The following WWOX variants were observed in gnomAD, a reference collection of about 807,000 sequenced individuals.
WWOX encodes WW domain-containing oxidoreductase.
A neutral mutation model predicts 46.2 loss-of-function variants in WWOX; 69 were observed. The observed-to-expected ratio is 1.49, with a 90% confidence interval of 1.23 to 1.82. The LOEUF (loss-of-function observed/expected upper bound fraction) is 1.82, where lower values mean the gene tolerates loss of function less well. WWOX is among the 40% of genes most tolerant of loss of function. WWOX has a pLI of 0.00. For synonymous variants in WWOX, 359 were observed against 202.6 expected (o/e 1.77, Z -6.56); for missense variants, 919 against 542.6 (o/e 1.69, Z -6.89).
At chr16:78,647,575 C>T (rs140741444) in intron 8 of WWOX, among the ~76,000 whole-genome samples, 95 of 152,300 alleles carry the variant, frequency 6.2e-4, no homozygotes, top group African/African-American at 2.2e-3. Context: ...GCCACTGTCC[C>T]GTAAGGGTGG....
chr16:79,023,668 C>A (rs905281671), intron 8 of WWOX, among the ~76,000 whole-genome samples: 4 of 152,044 alleles, frequency 2.6e-5, no homozygotes, highest in African/African-American at 9.7e-5. Flanking sequence ...ACCTGTAATC[C>A]CAGCACTTTG....
At chr16:78,777,765 G>A (rs559846122) in intron 8 of WWOX, among the ~76,000 whole-genome samples, 6 of 152,086 alleles carry the variant, frequency 3.9e-5, no homozygotes, top group Admixed American at 1.3e-4. Flanking sequence ...CTCACATTTC[G>A]ACTGGGCCTG....
intron 8 of WWOX, among the ~76,000 whole-genome samples, chr16:78,852,148 T>C (rs1009809530): frequency 6.6e-6 from 1 of 152,222 alleles, no homozygotes; most frequent in African/African-American, 2.4e-5. Context: ...CCTTAAATAC[T>C]TAAGAGCATG....
At chr16:78,417,040 G>GGGGTGTGTGTGTGTGTGTGTGTGTGT (rs58277331) in intron 6 of WWOX, among the ~76,000 whole-genome samples, 2 of 151,264 alleles carry the variant, frequency 1.3e-5, no homozygotes, top group Admixed American at 6.6e-5. Context: ...ACCCTTTGGG[G>GGGGTGTGTGTGTGTGTGTGTGTGTGT]GTGTGTGTGT....
intron 8 of WWOX, among the ~76,000 whole-genome samples, chr16:78,673,147 G>C (rs1348636459): frequency 6.6e-6 from 1 of 152,234 alleles, no homozygotes; most frequent in African/African-American, 2.4e-5. Flanking sequence ...AACAGCTCAA[G>C]TCCTCATTCT....
chr16:78,343,151 C>T lies in WWOX; in HGVS notation c.517-43709C>T, dbSNP rs1357341453. 5.9e-5 allele frequency among the ~76,000 whole-genome samples: 7 copies of T among 119,644 alleles called. 3 individuals carry two copies. Among genetic ancestry groups the T allele is most frequent in the Non-Finnish European group, 1.4e-4 (7 of 50,226 alleles). The allele number at this position is 119,644 out of a possible 152,430, so 78.5% of individuals were successfully genotyped here. A position where few individuals can be genotyped will look rare whatever the true frequency, so the allele number is the denominator to read the frequency against. ...GACAACAGCAGGATGCAAGATTGTACAATGACACCATGACTCTGCTTTCTG... is the reference window on the plus strand; with the variant it reads ...GACAACAGCAGGATGCAAGATTGTATAATGACACCATGACTCTGCTTTCTG... On this transcript the variant is annotated intron_variant, in intron 5 of 8. Coordinates refer to ENST00000566780, the MANE Select transcript of WWOX (RefSeq NM_016373.4).
intron 5 of WWOX, among the ~76,000 whole-genome samples, chr16:78,166,021 A>G (rs983490259): frequency 6.6e-6 from 1 of 152,100 alleles, no homozygotes; most frequent in Non-Finnish European, 1.5e-5. Flanking sequence ...CGTGCATCTT[A>G]TTTGAATCTA....
At chr16:78,158,445 A>G (rs568045380) in intron 4 of WWOX, among the ~76,000 whole-genome samples, 2 of 151,862 alleles carry the variant, frequency 1.3e-5, no homozygotes, top group Non-Finnish European at 2.9e-5. Flanking sequence ...TCTGGATTAG[A>G]CTGCCTCTTC....
At chr16:78,618,352 G>T (rs2046081875) in intron 8 of WWOX, among the ~76,000 whole-genome samples, 1 of 152,192 alleles carries the variant, frequency 6.6e-6, no homozygotes, top group African/African-American at 2.4e-5. Context: ...AGTTCTGGAG[G>T]TTGGGAGTCC....
rs146953885 is a variant in WWOX, at chr16:78,223,545, T to C, written c.516+59256T>C. Among the ~76,000 whole-genome samples, 257 of 152,112 alleles carry C rather than the reference T, an allele frequency of 1.7e-3. 4 individuals carry two copies. Among genetic ancestry groups the C allele is most frequent in the African/African-American group, 5.8e-3 (240 of 41,514 alleles). Reference sequence around the variant, plus strand: ...GCAAAGAGAAGGATGCATAGGCACATTGGACGGTGGAAGGCAGGGGCTGCT... The same window carrying C: ...GCAAAGAGAAGGATGCATAGGCACACTGGACGGTGGAAGGCAGGGGCTGCT... On this transcript the variant is annotated intron_variant, in intron 5 of 8. Transcript: ENST00000566780.
intron 5 of WWOX, among the ~76,000 whole-genome samples, chr16:78,233,254 T>C (rs1012574839): frequency 2.0e-5 from 3 of 152,330 alleles, no homozygotes; most frequent in Admixed American, 1.3e-4. Flanking sequence ...TTCATCTCTG[T>C]TCAAGGTATG....
chr16:78,543,580 T>C (rs962973626), intron 8 of WWOX, among the ~76,000 whole-genome samples: 1 of 152,164 alleles, frequency 6.6e-6, no homozygotes, highest in Non-Finnish European at 1.5e-5. Flanking sequence ...AAGCACTGTA[T>C]TGAGCATACC....
At chr16:79,036,448 C>A (rs1158126426) in intron 8 of WWOX, among the ~76,000 whole-genome samples, 3 of 152,232 alleles carry the variant, frequency 2.0e-5, no homozygotes, top group African/African-American at 7.2e-5. Context: ...GCATTTGCTG[C>A]ATCATTCATG....
chr16:78,870,887 C>A (rs563787497), intron 8 of WWOX, among the ~76,000 whole-genome samples: 1 of 152,302 alleles, frequency 6.6e-6, no homozygotes, highest in African/African-American at 2.4e-5. Flanking sequence ...TAGGCATGAG[C>A]CACCATGCCC....
intron 8 of WWOX, among the ~76,000 whole-genome samples, chr16:78,915,595 G>T (rs1413759997): frequency 2.6e-5 from 4 of 152,072 alleles, no homozygotes; most frequent in Non-Finnish European, 2.9e-5. Context: ...GACATTGCTG[G>T]TTCCTATTAG....
At chr16:78,337,065 G>C (rs1246535601) in intron 5 of WWOX, among the ~76,000 whole-genome samples, 4 of 152,178 alleles carry the variant, frequency 2.6e-5, no homozygotes, top group South Asian at 4.1e-4. Context: ...ACAGGTGTCA[G>C]CTAGTGCACC....
intron 8 of WWOX, among the ~76,000 whole-genome samples, chr16:78,472,037 A>G (rs1353716916): frequency 6.6e-6 from 1 of 152,222 alleles, no homozygotes; most frequent in Non-Finnish European, 1.5e-5. Flanking sequence ...TATTCTGGTT[A>G]GGTGTTATGA....
intron 8 of WWOX, among the ~76,000 whole-genome samples, chr16:78,723,669 A>C (rs150228444): frequency 7.7e-6 from 1 of 130,506 alleles, no homozygotes; most frequent in Non-Finnish European, 1.6e-5. Flanking sequence ...GGATTCTGAG[A>C]GCATCCTGTA....
chr16:78,162,527 T>C (rs886093235), intron 4 of WWOX, among the ~76,000 whole-genome samples: 7 of 151,748 alleles, frequency 4.6e-5, no homozygotes, highest in South Asian at 2.1e-4. Context: ...CATATATATA[T>C]ACACACACAC....
Sources: allele counts gnomAD v4.1 joint callset (sites outside exome capture counted in the v4.1 genomes callset), GRCh38; gene constraint gnomAD v4.1.1; transcripts MANE v1.5; gene names NCBI Gene and HGNC (gene_info 2026-07-23, HGNC 2026-07-21).